The following MROH1 variants were observed in gnomAD, a reference collection of about 807,000 sequenced individuals.
MROH1 encodes maestro heat-like repeat-containing protein family member 1.
Under a neutral mutation model 116.5 loss-of-function variants are expected in MROH1, and 117 were observed. The observed-to-expected ratio is 1.00, with a 90% CI of 0.86 to 1.17. The LOEUF is 1.17. Among genes scored for constraint, MROH1 ranks in the 50% most tolerant of loss-of-function variants. The probability of loss-of-function intolerance (pLI) is 0.00; values close to 1 mark genes in which losing one functional copy is unlikely to be tolerated. For missense variants in MROH1, 1,873 were observed against 1,338.5 expected, an observed-to-expected ratio of 1.40 and a Z score of -6.23; for synonymous variants, 921 against 583.9, an observed-to-expected ratio of 1.58 and a Z score of -8.32.
intron 16 of MROH1, 42 bp downstream of exon 16, chr8:144,239,221 A>G (rs1174143679): frequency 2.6e-5 from 4 of 151,286 alleles, no homozygotes; most frequent in East Asian, 1.4e-4. Context: ...TCCTGCCCCC[A>G]CTTCCCCACT....
intron 32 of MROH1, among the ~76,000 whole-genome samples, chr8:144,249,710 C>G (rs1842521826): frequency 1.3e-5 from 2 of 150,586 alleles, no homozygotes; most frequent in Non-Finnish European, 3.0e-5. Context: ...CAGCCCCCCC[C>G]AAGTCCCATC....
chr8:144,168,179 CTCTGTG>C, intron 3 of MROH1, 110 bp from the exon 4 acceptor site: 3 of 1,247,664 alleles, frequency 2.4e-6, no homozygotes, highest in Non-Finnish European at 3.2e-6. Context: ...CCCTCTCCTG[CTCTGTG>C]TCTGTGATCC....
intron 4 of MROH1, among the ~76,000 whole-genome samples, chr8:144,173,619 G>A (rs1823075619): frequency 6.6e-6 from 1 of 151,858 alleles, no homozygotes; most frequent in Admixed American, 6.6e-5. Flanking sequence ...GTACAGGTGG[G>A]GTTTCACCAT....
chr8:144,235,822 C>T (rs1307903231), intron 14 of MROH1, among the ~76,000 whole-genome samples: 1 of 152,202 alleles, frequency 6.6e-6, no homozygotes, highest in African/African-American at 2.4e-5. Context: ...GTAATCTGTA[C>T]ACACACATAT....
chr8:144,207,558 T>C (rs528415077), intron 12 of MROH1, among the ~76,000 whole-genome samples: 1 of 152,204 alleles, frequency 6.6e-6, no homozygotes, highest in South Asian at 2.1e-4. Context: ...CAGGCTAGAG[T>C]GCAGTTCTGT....
chr8:144,255,847 C>T, intron 35 of MROH1, 142 bp downstream of exon 35: 1 of 633,430 alleles, frequency 1.6e-6, no homozygotes, highest in Non-Finnish European at 2.9e-6. Flanking sequence ...TGGCGCCTCA[C>T]CCAGGTGCAG....
At chr8:144,251,016 G>T (rs1202187578) in intron 33 of MROH1, 3 of 167,464 alleles carry the variant, frequency 1.8e-5, no homozygotes, top group Admixed American at 5.4e-5. Context: ...TGGCCCAGGG[G>T]CACCTGGCTT....
Position 144,241,575 on chromosome 8 carries a change from C to T in MROH1, c.2178+58C>T, listed in dbSNP as rs1840980348. The T allele has an allele frequency of 1.8e-5, 14 of 775,090 alleles. No individual in the cohort carries two copies. The Admixed American group carries it at 2.2e-4, about 12-fold the overall frequency. 48.0% of individuals were successfully genotyped at this position (775,090 alleles called of 1,614,324 possible). A position where few individuals can be genotyped will look rare whatever the true frequency, so the allele number is the denominator to read the frequency against. On this transcript the variant is annotated intron_variant, in intron 22 of 43. Coordinates refer to ENST00000326134, the MANE Select transcript of MROH1 (RefSeq NM_032450.3). ...GCTGTCTATCCACAAGTTTGAGGCT[C>T]AGGGGGTGCCCTGCGGGCTGGAGTG...
At position 144,243,598 on chromosome 8, in the gene MROH1, G is replaced by A; in HGVS notation, c.2457G>A (p.Glu819=). 2.1e-5 allele frequency: 16 copies of A among 779,862 alleles called. No individual in the cohort carries two copies. The highest frequency in any genetic ancestry group is 1.9e-4 in the South Asian group (14 of 74,616). The allele number at this position is 779,862 out of a possible 1,614,324, so 48.3% of individuals were successfully genotyped here. A position where few individuals can be genotyped will look rare whatever the true frequency, so the allele number is the denominator to read the frequency against. Residue 819 remains glutamate, a synonymous_variant, in exon 25 of 44, where the codon GAG becomes GAA. Transcript: ENST00000326134. ...CCTTCCACTTCACCCGGAAAGCAGAGCTGGTGGCACAGATGATGGTGAGCG... is the reference window on the plus strand; with the variant it reads ...CCTTCCACTTCACCCGGAAAGCAGAACTGGTGGCACAGATGATGGTGAGCG... The part of the protein sequence containing the change: ...AGSFHFTRKA[E]LVAQMMEFIR...
chr8:144,228,015 T>G (rs927830533), intron 14 of MROH1, among the ~76,000 whole-genome samples: 3 of 151,940 alleles, frequency 2.0e-5, no homozygotes, highest in African/African-American at 7.2e-5. Flanking sequence ...GAAAATCGTT[T>G]AAGGCCAGGA....
chr8:144,257,959 G>A (rs940950790), intron 35 of MROH1, among the ~76,000 whole-genome samples: 2 of 152,190 alleles, frequency 1.3e-5, no homozygotes, highest in East Asian at 1.9e-4. Context: ...GGGTGGGGAC[G>A]CTGGTGCAGG....
At chr8:144,153,389 G>T (rs1431465396) in intron 1 of MROH1, among the ~76,000 whole-genome samples, 1 of 151,940 alleles carries the variant, frequency 6.6e-6, no homozygotes, top group Non-Finnish European at 1.5e-5. Flanking sequence ...TAGAGATGGC[G>T]TTTCACCATG....
At chr8:144,246,018 C>T (rs1228903303) in intron 29 of MROH1, among the ~76,000 whole-genome samples, 4 of 130,606 alleles carry the variant, frequency 3.1e-5, no homozygotes, top group Non-Finnish European at 4.8e-5. Context: ...TTTTTCTTTC[C>T]CTCCCTCCCT....
Position 144,250,341 on chromosome 8 carries a change from C to T in MROH1, c.3403C>T (p.Leu1135=), listed in dbSNP as rs1842645549. The T allele has an allele frequency of 5.2e-6, 4 of 767,612 alleles. No individual in the cohort carries two copies. The highest frequency in any genetic ancestry group is 4.9e-5 in the East Asian group (2 of 40,866). 47.6% of individuals were successfully genotyped at this position (767,612 alleles called of 1,614,324 possible). ...QHCAAVVSSL[L]GSPLPLDSHT... is the part of the protein sequence containing the mutation. ...CTGCGCAGCCGTGGTGTCCAGCCTC[C>T]TGGGCAGCCCCTTGCCCTTGGACAG... The change falls in exon 33 of 44, where the codon CTG becomes TTG. Residue 1135 remains leucine (L), a synonymous_variant. Transcript: ENST00000326134.
chr8:144,221,623 C>T (rs1045400536), intron 13 of MROH1, among the ~76,000 whole-genome samples: 3 of 152,046 alleles, frequency 2.0e-5, no homozygotes, highest in South Asian at 2.1e-4. Flanking sequence ...ACATCTGTTG[C>T]GGTGCTCCTT....
intron 14 of MROH1, among the ~76,000 whole-genome samples, chr8:144,229,851 T>C (rs1428753480): frequency 6.6e-6 from 1 of 151,974 alleles, no homozygotes; most frequent in African/African-American, 2.4e-5. Context: ...CTGGCCAACA[T>C]GGTGAAACCC....
At chr8:144,211,244 T>G (rs1253960275) in intron 12 of MROH1, among the ~76,000 whole-genome samples, 3 of 152,234 alleles carry the variant, frequency 2.0e-5, no homozygotes, top group Non-Finnish European at 4.4e-5. Flanking sequence ...ATGTGATATG[T>G]GGTATTCTCT....
chr8:144,190,775 G>T lies in MROH1; in HGVS notation c.563-9G>T. On this transcript the variant is annotated splice_polypyrimidine_tract_variant and intron_variant, in intron 7 of 43. Transcript: ENST00000326134. The stretch of plus-strand genomic sequence containing the variant: ...GCCTGCAGCCACTTACCACTGGCCG[G>T]TTTTGTAGCTCTGCAGCGCTTCAGC... The T allele has an allele frequency of 6.2e-7, 1 of 1,611,996 alleles. No homozygotes were observed. The highest frequency in any genetic ancestry group is 8.5e-7 in the Non-Finnish European group (1 of 1,178,666).
chr8:144,192,888 C>T, intron 10 of MROH1: 1 of 316,882 alleles, frequency 3.2e-6, no homozygotes, highest in South Asian at 2.5e-5. Context: ...CTGAGAACGA[C>T]TGAGGGATGC....
Sources: allele counts gnomAD v4.1 joint callset (sites outside exome capture counted in the v4.1 genomes callset), GRCh38; gene constraint gnomAD v4.1.1; transcripts MANE v1.5; gene names NCBI Gene and HGNC (gene_info 2026-07-23, HGNC 2026-07-21).